FOCAD: variants seen among roughly 807,000 people sequenced by gnomAD.
FOCAD encodes the protein KIAA1797.
Under a neutral mutation model 225.6 loss-of-function variants are expected in FOCAD, and 198 were observed. That is an observed-to-expected ratio of 0.88 (90% CI 0.78 to 0.99). The LOEUF (loss-of-function observed/expected upper bound fraction) is 0.99, where lower values mean the gene tolerates loss of function less well. FOCAD is among the 50% of genes least tolerant of loss of function. The pLI is 0.00. For missense variants in FOCAD, 2,713 were observed against 2,123.6 expected (o/e 1.28, Z -5.46); for synonymous variants, 897 against 755.0 (o/e 1.19, Z -3.08).
At chr9:20,980,619 A>G (rs1840609723) in intron 37 of FOCAD, among the ~76,000 whole-genome samples, 1 of 152,250 alleles carries the variant, frequency 6.6e-6, no homozygotes, top group Non-Finnish European at 1.5e-5. Context: ...AGAAATTTGC[A>G]GAAAACATTG....
rs551911382 is a variant in FOCAD, at chr9:20,918,567, C to CA, written c.2852+1637dup. On this transcript the variant is annotated intron_variant, in intron 24 of 43. Transcript: ENST00000338382. ...TGAAACCCCGTCTCTACTAAAAATA[C>CA]AAAAAAATTAGCCGGGCGTAATGGC... Among the ~76,000 whole-genome samples, 367 of 151,914 alleles carry CA rather than the reference C, an allele frequency of 2.4e-3. 6 individuals carry two copies. The highest frequency in any genetic ancestry group is 6.8e-3 in the East Asian group (35 of 5,156).
At chr9:20,935,431 A>G (rs1303518694) in intron 28 of FOCAD, among the ~76,000 whole-genome samples, 1 of 151,874 alleles carries the variant, frequency 6.6e-6, no homozygotes, top group Non-Finnish European at 1.5e-5. Context: ...ACATAATCTC[A>G]CTCTTATTGC....
At chr9:20,710,312 A>T (rs192659538) in intron 1 of FOCAD, among the ~76,000 whole-genome samples, 4 of 147,508 alleles carry the variant, frequency 2.7e-5, no homozygotes, top group Non-Finnish European at 5.9e-5. Flanking sequence ...AAAAAGTAAT[A>T]TTACTGGGCA....
chr9:20,793,513 G>A (rs936157262), intron 11 of FOCAD, among the ~76,000 whole-genome samples: 1 of 152,132 alleles, frequency 6.6e-6, no homozygotes, highest in African/African-American at 2.4e-5. Context: ...AATTACTGAT[G>A]GTTCTCATTG....
chr9:20,753,341 C>G (rs1418127268), intron 5 of FOCAD, among the ~76,000 whole-genome samples: 3 of 151,720 alleles, frequency 2.0e-5, no homozygotes, highest in Non-Finnish European at 2.9e-5. Flanking sequence ...CCCATCAATA[C>G]CTAATTTATT....
upstream of FOCAD, among the ~76,000 whole-genome samples, chr9:20,681,049 C>G (rs1822384927): frequency 6.6e-6 from 1 of 152,042 alleles, no homozygotes; most frequent in South Asian, 2.1e-4. Context: ...CCACAGCCCC[C>G]CACAAAAAGC....
chr9:20,819,233 A>G (rs1382997638), intron 11 of FOCAD, among the ~76,000 whole-genome samples: 2 of 151,982 alleles, frequency 1.3e-5, no homozygotes, highest in Non-Finnish European at 2.9e-5. Flanking sequence ...TATTTTTTTG[A>G]GACAGGGTCT....
intron 2 of FOCAD, among the ~76,000 whole-genome samples, chr9:20,677,967 T>C (rs1422150618): frequency 6.6e-6 from 1 of 152,202 alleles, no homozygotes; most frequent in African/African-American, 2.4e-5. Flanking sequence ...AAAATGTATG[T>C]ATGTGTGTGT....
rs1228822307 is a variant in FOCAD, at chr9:20,976,471, C to A, written c.4184C>A (p.Ala1395Glu). ...CTTAAAGTAGTGATGAAACCCATAG[C>A]AACTGTTGGAGAAAGCTACCAATAT... is the stretch of plus-strand genomic sequence containing the variant. ...SLLKVVMKPI[A>E]TVGESYQYPP... is the part of the protein sequence containing the mutation. The change falls in exon 36 of 44, where the codon GCA (alanine) becomes GAA (glutamate). Residue 1395 changes from alanine to glutamate, a missense_variant. Physicochemically the swap from Ala to Glu is moderately radical, Grantham distance 107 (BLOSUM62 -1). Coordinates refer to ENST00000338382, the MANE Select transcript of FOCAD (RefSeq NM_001375567.1). The A allele has an allele frequency of 5.6e-6, 9 of 1,613,084 alleles. No homozygotes were observed. Among genetic ancestry groups the A allele is most frequent in the African/African-American group, 1.3e-5 (1 of 74,874 alleles).
chr9:20,762,098 C>T (rs928436994), intron 6 of FOCAD, among the ~76,000 whole-genome samples: 14 of 152,130 alleles, frequency 9.2e-5, no homozygotes, highest in African/African-American at 3.4e-4. Flanking sequence ...TACATTTCAC[C>T]TTCAGCATCT....
At chr9:20,918,451 C>T (rs1009781576) in intron 24 of FOCAD, among the ~76,000 whole-genome samples, 12 of 152,210 alleles carry the variant, frequency 7.9e-5, no homozygotes, top group Non-Finnish European at 1.0e-4. Context: ...TGGCCGGGCG[C>T]GGTGGCTCAC....
chr9:20,737,307 C>T (rs535894057), intron 4 of FOCAD, among the ~76,000 whole-genome samples: 1 of 152,270 alleles, frequency 6.6e-6, no homozygotes, highest in African/African-American at 2.4e-5. Context: ...CCATAAAAAC[C>T]ATAGATCTGT....
At chr9:20,922,884 A>C (rs1834580052) in intron 24 of FOCAD, among the ~76,000 whole-genome samples, 1 of 152,196 alleles carries the variant, frequency 6.6e-6, no homozygotes, top group South Asian at 2.1e-4. Context: ...GGAATTATGG[A>C]ATAATATTAA....
At chr9:20,960,118 T>C (rs1838565048) in intron 35 of FOCAD, among the ~76,000 whole-genome samples, 1 of 152,352 alleles carries the variant, frequency 6.6e-6, no homozygotes, top group East Asian at 1.9e-4. Flanking sequence ...TTGGTCTCTT[T>C]GGTCTCCTTC....
At chr9:20,847,772 A>G (rs911569441) in intron 15 of FOCAD, among the ~76,000 whole-genome samples, 3 of 152,118 alleles carry the variant, frequency 2.0e-5, no homozygotes, top group African/African-American at 7.2e-5. Flanking sequence ...TGAATAGAAA[A>G]AACATAAATG....
chr9:20,904,049 G>A (rs542136388), intron 21 of FOCAD, among the ~76,000 whole-genome samples: 5 of 151,926 alleles, frequency 3.3e-5, no homozygotes, highest in Middle Eastern at 3.4e-3. Context: ...TTTCACTTTG[G>A]CATAATGTTT....
rs148177895 is a variant in FOCAD at position 20,789,604 on chromosome 9, C to G, written c.1451C>G (p.Ser484Cys). The change falls in exon 11 of 44, where the codon TCC (serine) becomes TGC (cysteine). Residue 484 changes from serine (S) to cysteine (C), a missense_variant. Physicochemically the swap from Ser to Cys is moderately radical, Grantham distance 112 (BLOSUM62 -1). Coordinates refer to ENST00000338382, the MANE Select transcript of FOCAD (RefSeq NM_001375567.1). ...VTTELAQADSSQVPNLIPVLM... is the reference protein window; with the variant it reads ...VTTELAQADSCQVPNLIPVLM... ...ACAGAATTAGCCCAAGCAGATTCCT[C>G]CCAGGTAAAGCAAGAGAATAATGGA... is the stretch of plus-strand genomic sequence containing the variant. The G allele has an allele frequency of 1.2e-6, 2 of 1,613,520 alleles. No homozygotes were observed. Among genetic ancestry groups the G allele is most frequent in the African/African-American group, 1.3e-5 (1 of 74,840 alleles).
intron 21 of FOCAD, among the ~76,000 whole-genome samples, chr9:20,898,090 A>T (rs1832251401): frequency 6.6e-6 from 1 of 151,800 alleles, no homozygotes; most frequent in African/African-American, 2.4e-5. Context: ...TTCTGGTAGA[A>T]AGATGGATAT....
intron 1 of FOCAD, among the ~76,000 whole-genome samples, chr9:20,705,892 T>C (rs1179474965): frequency 6.6e-6 from 1 of 150,704 alleles, no homozygotes; most frequent in Non-Finnish European, 1.5e-5. Flanking sequence ...TTAGAGAAAA[T>C]TTGTAACTAG....
Sources: allele counts gnomAD v4.1 joint callset (sites outside exome capture counted in the v4.1 genomes callset), GRCh38; gene constraint gnomAD v4.1.1; transcripts MANE v1.5; gene names NCBI Gene and HGNC (gene_info 2026-07-23, HGNC 2026-07-21).